Variants in ATP8B1 observed in about 807,000 individuals in gnomAD.
ATP8B1 encodes the protein ATPase phospholipid transporting 8B1, also known as phospholipid-transporting ATPase IC.
In ATP8B1, 80 loss-of-function variants were observed where a neutral mutation model predicts 149.9. That is an observed-to-expected ratio of 0.53 (90% CI 0.45 to 0.64). ATP8B1 has a LOEUF of 0.64. Ranked by LOEUF, ATP8B1 falls within the 30% of genes least tolerant of loss-of-function variation. The pLI, the probability that ATP8B1 is intolerant of heterozygous loss-of-function variation, is 0.00. For synonymous variants in ATP8B1, 536 were observed against 562.8 expected (o/e 0.95, Z 0.67); for missense variants, 1,247 against 1,552.6 (o/e 0.80, Z 3.31).
At chr18:57,756,975 G>A (rs889303796) in intron 1 of ATP8B1, among the ~76,000 whole-genome samples, 2 of 150,916 alleles carry the variant, frequency 1.3e-5, no homozygotes, top group East Asian at 1.9e-4. Flanking sequence ...CCTCCTAAAC[G>A]TGACACTCAT....
chr18:57,739,264 C>A (rs1474955459), intron 1 of ATP8B1, among the ~76,000 whole-genome samples: 1 of 152,112 alleles, frequency 6.6e-6, no homozygotes, highest in Non-Finnish European at 1.5e-5. Flanking sequence ...TCCCAAAGTG[C>A]TAGGATTACA....
At chr18:57,692,063 T>C in intron 11 of ATP8B1, 66 bp from the exon 12 acceptor site, 1 of 1,558,506 alleles carries the variant, frequency 6.4e-7, no homozygotes, top group Non-Finnish European at 8.7e-7. Flanking sequence ...ATTTCCTAGA[T>C]GCTAATTAAC....
At chr18:57,792,820 A>G (rs1375011384) in intron 1 of ATP8B1, among the ~76,000 whole-genome samples, 1 of 152,172 alleles carries the variant, frequency 6.6e-6, no homozygotes, top group East Asian at 1.9e-4. Flanking sequence ...GTGGCTGGAA[A>G]AAGCTTAACC....
At chr18:57,661,046 T>C (rs1910359489) in intron 22 of ATP8B1, 128 bp downstream of exon 22, 1 of 1,300,752 alleles carries the variant, frequency 7.7e-7, no homozygotes, top group Admixed American at 2.0e-5. Flanking sequence ...TAAGTGACTT[T>C]ATGAAACATC....
At chr18:57,724,449 C>T (rs1376671648) in intron 2 of ATP8B1, among the ~76,000 whole-genome samples, 1 of 151,898 alleles carries the variant, frequency 6.6e-6, no homozygotes, top group Non-Finnish European at 1.5e-5. Flanking sequence ...AGGACATGAA[C>T]AGACACTAAT....
chr18:57,688,952 C>T (rs1415606634), intron 12 of ATP8B1, among the ~76,000 whole-genome samples: 4 of 152,134 alleles, frequency 2.6e-5, no homozygotes, highest in African/African-American at 9.7e-5. Context: ...CAAACTAAGC[C>T]CTCTACAAGG....
intron 22 of ATP8B1, among the ~76,000 whole-genome samples, chr18:57,656,687 T>A (rs142188813): frequency 6.7e-6 from 1 of 150,322 alleles, no homozygotes; most frequent in East Asian, 2.0e-4. Context: ...GAAATAGATA[T>A]ATTTCTTCCT....
chr18:57,700,907 A>G, intron 6 of ATP8B1, 132 bp downstream of exon 6: 1 of 1,005,508 alleles, frequency 9.9e-7, no homozygotes. Flanking sequence ...ACAGAGCGAG[A>G]CTCTATCTCG....
chr18:57,761,943 TTA>T (rs1491137986), intron 1 of ATP8B1, among the ~76,000 whole-genome samples: 1 of 100,624 alleles, frequency 9.9e-6, no homozygotes, highest in African/African-American at 4.0e-5. Flanking sequence ...AGCAAGACTG[TTA>T]AAAAAAAAAA....
chr18:57,731,024 T>C (rs2079759381), intron 2 of ATP8B1, among the ~76,000 whole-genome samples: 1 of 152,160 alleles, frequency 6.6e-6, no homozygotes, highest in Non-Finnish European at 1.5e-5. Context: ...CTACGCATCG[T>C]AGCTCATGCC....
At chr18:57,719,405 A>C (rs1324247313) in intron 2 of ATP8B1, among the ~76,000 whole-genome samples, 2 of 152,186 alleles carry the variant, frequency 1.3e-5, no homozygotes, top group African/African-American at 4.8e-5. Flanking sequence ...GGGTGCGCGC[A>C]CTGTGCGCGA....
chr18:57,691,737 G>A, intron 12 of ATP8B1, 70 bp downstream of exon 12: 2 of 1,548,212 alleles, frequency 1.3e-6, no homozygotes, highest in Non-Finnish European at 1.8e-6. Context: ...CACTAGAAAT[G>A]AAGGCACTAT....
In ATP8B1 at chr18:57,647,355, T is replaced by C. The variant is rs997437548; in HGVS notation, c.*1133A>G. 12 of 152,202 alleles carry C rather than the reference T, an allele frequency of 7.9e-5. No individual in the cohort carries two copies. Among genetic ancestry groups the C allele is most frequent in the Non-Finnish European group, 1.5e-4 (10 of 68,032 alleles). 9.4% of individuals were successfully genotyped at this position (152,202 alleles called of 1,614,324 possible). On this transcript the variant is annotated 3_prime_UTR_variant, in exon 28 of 28. Transcript: ENST00000648908. ...GTAAACTAAAAATAAACTGAAACTTTATGGAATCTGAAGTTATTTTCCTTG... is the reference window on the plus strand; with the variant it reads ...GTAAACTAAAAATAAACTGAAACTTCATGGAATCTGAAGTTATTTTCCTTG...
intron 1 of ATP8B1, among the ~76,000 whole-genome samples, chr18:57,732,230 T>TAC (rs2079784896): frequency 1.3e-4 from 1 of 7,654 alleles, no homozygotes; most frequent in East Asian, 3.9e-3. Flanking sequence ...TATATGTATA[T>TAC]ATGTGTATAT....
Position 57,652,695 on chromosome 18 carries a change from C to A in ATP8B1, c.3050G>T (p.Gly1017Val), listed in dbSNP as rs1254993533. ...GTCTCTTTGTCCCACTATGTATAAC[C>A]CAGGGAATCGGAGGCTCAGTTTGTC... ...VSDKLSLRFP[G>V]LYIVGQRDLL... The change falls in exon 25 of 28, where the codon GGG becomes GTG. Residue 1017 changes from glycine (G) to valine (V), a missense_variant. Transcript: ENST00000648908. 6 of 1,614,066 alleles carry A rather than the reference C, an allele frequency of 3.7e-6. No individual in the cohort carries two copies. The highest frequency in any genetic ancestry group is 5.1e-6 in the Non-Finnish European group (6 of 1,179,984).
chr18:57,694,468 A>T, intron 11 of ATP8B1, 114 bp downstream of exon 11: 1 of 753,954 alleles, frequency 1.3e-6, no homozygotes, highest in Non-Finnish European at 2.2e-6. Context: ...AGTGCCCAAT[A>T]ATTTTTCTAT....
At chr18:57,727,093 A>G (rs1358514550) in intron 2 of ATP8B1, among the ~76,000 whole-genome samples, 1 of 152,146 alleles carries the variant, frequency 6.6e-6, no homozygotes, top group African/African-American at 2.4e-5. Context: ...AAATAAATAA[A>G]CAAATAAATA....
At chr18:57,740,350 A>G (rs1424625292) in intron 1 of ATP8B1, 1 of 152,024 alleles carries the variant, frequency 6.6e-6, no homozygotes, top group Non-Finnish European at 1.5e-5. Context: ...ATTATTATTA[A>G]AGACAATGCT....
At chr18:57,671,754 C>G (rs1192593613) in intron 16 of ATP8B1, among the ~76,000 whole-genome samples, 174 bp from the exon 17 acceptor site, 2 of 152,146 alleles carry the variant, frequency 1.3e-5, no homozygotes, top group South Asian at 4.1e-4. Flanking sequence ...TCCCGAGTAG[C>G]TGGGACTACA....
Sources: allele counts gnomAD v4.1 joint callset (sites outside exome capture counted in the v4.1 genomes callset), GRCh38; gene constraint gnomAD v4.1.1; transcripts MANE v1.5; gene names NCBI Gene and HGNC (gene_info 2026-07-23, HGNC 2026-07-21).